The following KIF5C variants were observed in gnomAD, a reference collection of about 807,000 sequenced individuals.
The protein encoded by KIF5C is kinesin family member 5C.
In KIF5C, 18 loss-of-function variants were observed where a neutral mutation model predicts 125.2. That is an observed-to-expected ratio of 0.14 (90% CI 0.10 to 0.21). The LOEUF is 0.21. Among genes scored for constraint, KIF5C ranks in the 10% least tolerant of loss-of-function variants. The pLI is 1.00. For missense variants in KIF5C, 780 were observed against 1,183.8 expected (o/e 0.66, Z 5.01); for synonymous variants, 405 against 434.0 (o/e 0.93, Z 0.83).
intron 15 of KIF5C, among the ~76,000 whole-genome samples, chr2:148,986,910 G>A (rs930942558): frequency 2.0e-5 from 3 of 152,218 alleles, no homozygotes; most frequent in Non-Finnish European, 4.4e-5. Flanking sequence ...AACAAGATGA[G>A]CCCAATGTTA....
chr2:149,010,573 G>A (rs558095414), intron 24 of KIF5C, among the ~76,000 whole-genome samples: 3 of 152,388 alleles, frequency 2.0e-5, no homozygotes, highest in Non-Finnish European at 4.4e-5. Flanking sequence ...AGCATACATC[G>A]TGGTCTCAAA....
intron 11 of KIF5C, 77 bp downstream of exon 11, chr2:148,962,196 C>G (rs1682943913): frequency 6.1e-6 from 9 of 1,475,484 alleles, no homozygotes; most frequent in African/African-American, 2.8e-5. Context: ...GACAGAGTCT[C>G]TCTCTGTCAC....
In KIF5C at chr2:149,024,645, A is replaced by G. The variant is rs1477601697; in HGVS notation, c.*1575A>G. The stretch of plus-strand genomic sequence containing the variant: ...TCCCTAGCAAAGCAAACCTGCTTTG[A>G]CTTAATTTATTTGTTAAATGTTGCA... On this transcript the variant is annotated 3_prime_UTR_variant, in exon 26 of 26. Coordinates refer to ENST00000435030, the MANE Select transcript of KIF5C (RefSeq NM_004522.3). 6.6e-6 allele frequency: 1 copy of G among 152,074 alleles called. No homozygotes were observed. The highest frequency in any genetic ancestry group is 1.5e-5 in the Non-Finnish European group (1 of 67,958). 9.4% of individuals were successfully genotyped at this position (152,074 alleles called of 1,614,324 possible). A position where few individuals can be genotyped will look rare whatever the true frequency, so the allele number is the denominator to read the frequency against.
intron 25 of KIF5C, among the ~76,000 whole-genome samples, chr2:149,013,394 T>C (rs1682269314): frequency 6.6e-6 from 1 of 152,198 alleles, no homozygotes; most frequent in South Asian, 2.1e-4. Flanking sequence ...TTAAGTAGCC[T>C]TCCTGAAGCC....
chr2:148,923,552 C>T (rs1681876347), intron 2 of KIF5C, among the ~76,000 whole-genome samples: 1 of 152,136 alleles, frequency 6.6e-6, no homozygotes, highest in South Asian at 2.1e-4. Context: ...TCTGTTTTTG[C>T]AGTATATCTT....
intron 10 of KIF5C, among the ~76,000 whole-genome samples, chr2:148,960,428 G>A (rs549183218): frequency 6.6e-6 from 1 of 152,296 alleles, no homozygotes; most frequent in African/African-American, 2.4e-5. Context: ...CATCTGAGAA[G>A]CATCCACAGT....
chr2:148,970,959 G>T (rs892347117), intron 11 of KIF5C, among the ~76,000 whole-genome samples: 15 of 152,282 alleles, frequency 9.9e-5, no homozygotes, highest in African/African-American at 3.1e-4. Flanking sequence ...CCATGTTCTG[G>T]TTGGTGTCTG....
At chr2:148,943,537 AC>A (rs1682457252) in intron 7 of KIF5C, among the ~76,000 whole-genome samples, 1 of 152,162 alleles carries the variant, frequency 6.6e-6, no homozygotes, top group African/African-American at 2.4e-5. Flanking sequence ...AATATATCTT[AC>A]CGTGTTGAAG....
intron 21 of KIF5C, among the ~76,000 whole-genome samples, chr2:149,004,886 G>A (rs992562441): frequency 1.3e-5 from 2 of 152,272 alleles, no homozygotes; most frequent in Middle Eastern, 3.4e-3. Context: ...TGCCTCATCC[G>A]TAAGCTCAGT....
chr2:148,875,275 G>A lies in KIF5C; in HGVS notation c.-343G>A, dbSNP rs1681145384. ...GATGGCTGAGCGCGCAGGAGCCCGG[G>A]AGGTCTGAGCCGGGCGAGGCTCGCT... On this transcript the variant is annotated 5_prime_UTR_variant, in exon 1 of 26. Transcript: ENST00000435030. 2 of 222,764 alleles carry A rather than the reference G, an allele frequency of 9.0e-6. No homozygotes were observed. The highest frequency in any genetic ancestry group is 5.9e-5 in the Admixed American group (1 of 17,060). 13.8% of individuals were successfully genotyped at this position (222,764 alleles called of 1,614,324 possible).
intron 22 of KIF5C, among the ~76,000 whole-genome samples, chr2:149,005,863 T>C (rs1393047650): frequency 6.6e-6 from 1 of 152,198 alleles, no homozygotes; most frequent in Non-Finnish European, 1.5e-5. Flanking sequence ...CATTAGGGGC[T>C]AGGTCAGAGT....
intron 10 of KIF5C, among the ~76,000 whole-genome samples, chr2:148,954,418 T>C (rs982412429): frequency 3.9e-5 from 6 of 152,222 alleles, no homozygotes; most frequent in South Asian, 2.1e-4. Flanking sequence ...TCTCAACTAC[T>C]TTTACAGCGC....
intron 8 of KIF5C, chr2:148,948,088 C>T (rs1171970929): frequency 2.0e-5 from 9 of 441,914 alleles, no homozygotes; most frequent in Non-Finnish European, 4.1e-5. Context: ...TGGCTCACGC[C>T]TGTAATCCCA....
At chr2:148,936,083 G>A (rs950018083) in intron 3 of KIF5C, among the ~76,000 whole-genome samples, 11 of 152,176 alleles carry the variant, frequency 7.2e-5, no homozygotes, top group African/African-American at 2.7e-4. Context: ...GAGCTCAGGA[G>A]TTGGAGACCA....
intron 7 of KIF5C, among the ~76,000 whole-genome samples, chr2:148,946,635 A>C (rs1188719181): frequency 6.6e-6 from 1 of 152,210 alleles, no homozygotes; most frequent in African/African-American, 2.4e-5. Flanking sequence ...CTTCAGGTAG[A>C]GCTAGAAAAT....
chr2:148,980,451 G>A (rs193220352), intron 13 of KIF5C, among the ~76,000 whole-genome samples: 45 of 152,182 alleles, frequency 3.0e-4, no homozygotes, highest in Non-Finnish European at 8.8e-5. Context: ...TAATGAGAGC[G>A]TCGGCAAGCC....
chr2:148,877,349 G>A (rs1018352525), intron 1 of KIF5C: 1 of 152,242 alleles, frequency 6.6e-6, no homozygotes, highest in Non-Finnish European at 1.5e-5. Context: ...TGACCTATGA[G>A]GGCAGGAAAG....
chr2:148,984,722 T>C (rs1271674733), intron 15 of KIF5C, among the ~76,000 whole-genome samples: 1 of 152,204 alleles, frequency 6.6e-6, no homozygotes, highest in African/African-American at 2.4e-5. Context: ...ATTACTATAA[T>C]TGGCATAGAC....
At chr2:148,883,667 A>G (rs2105037791) in intron 1 of KIF5C, 1 of 152,320 alleles carries the variant, frequency 6.6e-6, no homozygotes, top group South Asian at 2.1e-4. Context: ...AGTATACTAA[A>G]CTAAATGCTG....
Sources: gnomAD v4.1 joint callset for allele counts (sites outside exome capture counted in the v4.1 genomes callset) on GRCh38, gnomAD v4.1.1 for gene constraint, MANE v1.5 for transcripts, NCBI Gene and HGNC (gene_info 2026-07-23, HGNC 2026-07-21) for gene names.